Variants in TRAPPC9 observed in about 807,000 individuals in gnomAD.
TRAPPC9 encodes the protein IKK2 binding protein.
In TRAPPC9, 83 loss-of-function variants were observed where a neutral mutation model predicts 124.0. That is an observed-to-expected ratio of 0.67 (90% CI 0.56 to 0.80). The LOEUF is 0.80. Ranked by LOEUF, TRAPPC9 falls within the 30% of genes least tolerant of loss-of-function variation. TRAPPC9 has a pLI of 0.00. For synonymous variants in TRAPPC9, 638 were observed against 617.5 expected (o/e 1.03, Z -0.49); for missense variants, 1,302 against 1,508.3 (o/e 0.86, Z 2.27).
intron 20 of TRAPPC9, among the ~76,000 whole-genome samples, chr8:139,895,838 G>A (rs975722563): frequency 6.6e-6 from 1 of 152,126 alleles, no homozygotes; most frequent in Non-Finnish European, 1.5e-5. Context: ...CCTACATTTT[G>A]GCATATTACT....
Position 140,411,298 on chromosome 8 carries a change from C to T in TRAPPC9, c.887-5600G>A, listed in dbSNP as rs566421194. On this transcript the variant is annotated intron_variant, in intron 5 of 22. Transcript: ENST00000438773. ...AACTAAAACTCCTTAGAAAAACGTC[C>T]GATTCCAGAGCTGGAACAGGGAAAG... 3.3e-5 allele frequency among the ~76,000 whole-genome samples: 5 copies of T among 152,270 alleles called. No individual in the cohort carries two copies. The East Asian group carries it at 5.8e-4, about 18-fold the overall frequency.
intron 19 of TRAPPC9, among the ~76,000 whole-genome samples, chr8:139,945,111 G>A (rs1485172739): frequency 1.3e-5 from 2 of 152,094 alleles, no homozygotes; most frequent in Non-Finnish European, 1.5e-5. Context: ...GCAACAGAGT[G>A]AGACTCCATC....
chr8:139,939,073 C>A (rs77816995), intron 19 of TRAPPC9, among the ~76,000 whole-genome samples: 351 of 152,332 alleles, frequency 2.3e-3, no homozygotes, highest in African/African-American at 8.2e-3. Flanking sequence ...GTTCTCCAGG[C>A]GACAGGCACC....
intron 17 of TRAPPC9, among the ~76,000 whole-genome samples, chr8:140,152,785 T>A (rs2061568039): frequency 6.6e-6 from 1 of 152,228 alleles, no homozygotes; most frequent in African/African-American, 2.4e-5. Flanking sequence ...TTTACAAGTC[T>A]TGCAATTCTT....
intron 12 of TRAPPC9, among the ~76,000 whole-genome samples, chr8:140,290,102 T>C (rs573698016): frequency 6.6e-6 from 1 of 152,210 alleles, no homozygotes; most frequent in South Asian, 2.1e-4. Context: ...CAACACCTCA[T>C]GCACCCCAAC....
chr8:139,936,259 T>A (rs1466699661), intron 19 of TRAPPC9, among the ~76,000 whole-genome samples: 1 of 152,234 alleles, frequency 6.6e-6, no homozygotes, highest in Non-Finnish European at 1.5e-5. Context: ...GATTTAGAGA[T>A]GGAAAATCCC....
intron 21 of TRAPPC9, among the ~76,000 whole-genome samples, chr8:139,764,987 C>T (rs975432698): frequency 6.6e-6 from 1 of 152,176 alleles, no homozygotes; most frequent in African/African-American, 2.4e-5. Flanking sequence ...CATCCCAGGG[C>T]ACAGTAGGTC....
chr8:139,931,112 A>G (rs1425861662), intron 19 of TRAPPC9: 1 of 152,224 alleles, frequency 6.6e-6, no homozygotes, highest in East Asian at 1.9e-4. Context: ...AGATGATTCT[A>G]ACCCCACCTC....
At position 140,252,730 on chromosome 8, in the gene TRAPPC9, A is replaced by G. The variant is rs2064157568; in HGVS notation, c.2431+47T>C. On this transcript the variant is annotated intron_variant, in intron 16 of 22. Transcript: ENST00000438773. The surrounding 1 kb of genome is among the most constrained non-coding windows in gnomAD (Gnocchi z 4.2). ...CATCAAGGGATGGGGGTTGCTACACAGTATCTAGGACCCTGACGTGCTAAT... is the reference window on the plus strand; with the variant it reads ...CATCAAGGGATGGGGGTTGCTACACGGTATCTAGGACCCTGACGTGCTAAT... 3 of 1,605,916 alleles carry G rather than the reference A, an allele frequency of 1.9e-6. No homozygotes were observed. The highest frequency in any genetic ancestry group is 4.5e-5 in the East Asian group (2 of 44,874).
Position 140,064,503 on chromosome 8 carries a change from G to A in TRAPPC9, c.2557-40424C>T, listed in dbSNP as rs577913013. 5.9e-5 allele frequency among the ~76,000 whole-genome samples: 9 copies of A among 152,268 alleles called. No homozygotes were observed. In the South Asian group the frequency reaches 1.0e-3, roughly 18 times the overall value. On this transcript the variant is annotated intron_variant, in intron 17 of 22. Transcript: ENST00000438773. The stretch of plus-strand genomic sequence containing the variant: ...GCACACGTTGCATGCCAGACCCAGA[G>A]CTCCTGGAAGGCAGGAAAGATATTA...
At chr8:140,300,997 G>C (rs1394850313) in intron 10 of TRAPPC9, among the ~76,000 whole-genome samples, 1 of 152,172 alleles carries the variant, frequency 6.6e-6, no homozygotes, top group Non-Finnish European at 1.5e-5. Context: ...AAGTGCAGGT[G>C]GGGCCACCAC....
chr8:139,989,849 T>C (rs953060147), intron 18 of TRAPPC9, among the ~76,000 whole-genome samples: 1 of 152,216 alleles, frequency 6.6e-6, no homozygotes, highest in Non-Finnish European at 1.5e-5. Context: ...AGTTGAATGC[T>C]TGCCGAAAAC....
chr8:139,838,049 G>A (rs1826473001), intron 21 of TRAPPC9, among the ~76,000 whole-genome samples: 1 of 152,114 alleles, frequency 6.6e-6, no homozygotes, highest in African/African-American at 2.4e-5. Context: ...AGAGTCTAAA[G>A]GGCTCGCTGC....
At chr8:140,457,770 C>T (rs2071742577), upstream of TRAPPC9, 2 of 1,003,194 alleles carry the variant, frequency 2.0e-6, no homozygotes, top group Non-Finnish European at 2.4e-6. Flanking sequence ...GCTGCTCCTG[C>T]GCGTGCGCGG....
At chr8:139,733,187 G>A (rs1323512154) in intron 21 of TRAPPC9, among the ~76,000 whole-genome samples, 1 of 152,168 alleles carries the variant, frequency 6.6e-6, no homozygotes, top group East Asian at 1.9e-4. Context: ...GAGTGACAAT[G>A]TCCTTATATG....
Position 139,911,774 on chromosome 8 carries a change from G to T in TRAPPC9, c.2811-1474C>A, listed in dbSNP as rs1300537411. ...GATTGTGCTGTGGCCAAAACATTCAGCAAAACCATGCTCTAATTGGCCTCT... is the reference window on the plus strand; with the variant it reads ...GATTGTGCTGTGGCCAAAACATTCATCAAAACCATGCTCTAATTGGCCTCT... On this transcript the variant is annotated intron_variant, in intron 19 of 22. Transcript: ENST00000438773. Among the ~76,000 whole-genome samples the T allele has an allele frequency of 2.6e-5, 4 of 151,200 alleles. No individual in the cohort carries two copies. In the East Asian group the frequency reaches 7.8e-4, roughly 29 times the overall value.
chr8:140,127,751 C>G (rs528848859), intron 17 of TRAPPC9, among the ~76,000 whole-genome samples: 1 of 152,276 alleles, frequency 6.6e-6, no homozygotes, highest in South Asian at 2.1e-4. Context: ...GCTACCATAT[C>G]CAAAAGCATT....
chr8:139,761,828 C>G (rs1456144518), intron 21 of TRAPPC9, among the ~76,000 whole-genome samples: 1 of 151,722 alleles, frequency 6.6e-6, no homozygotes, highest in African/African-American at 2.4e-5. Context: ...TATTTCTCAA[C>G]TCCAAGCCCT....
In TRAPPC9 at chr8:140,337,611, G is replaced by A. The variant is rs139106222; in HGVS notation, c.1495+22439C>T. 2.0e-3 allele frequency among the ~76,000 whole-genome samples: 303 copies of A among 152,254 alleles called. 3 individuals carry two copies. The highest frequency in any genetic ancestry group is 7.0e-3 in the African/African-American group (289 of 41,530). On this transcript the variant is annotated intron_variant, in intron 9 of 22. Coordinates refer to ENST00000438773, the MANE Select transcript of TRAPPC9 (RefSeq NM_001160372.4). Reference sequence around the variant, plus strand: ...GACTCATCCAGATGCGCCTCCCTCCGGCTCTGCCATGCAGCACGTGGGTGC... The same window carrying A: ...GACTCATCCAGATGCGCCTCCCTCCAGCTCTGCCATGCAGCACGTGGGTGC...
Sources: gnomAD v4.1 joint callset for allele counts (sites outside exome capture counted in the v4.1 genomes callset) on GRCh38, gnomAD v4.1.1 for gene constraint, Gnocchi (gnomAD v3.1) non-coding constraint, MANE v1.5 for transcripts, NCBI Gene and HGNC (gene_info 2026-07-23, HGNC 2026-07-21) for gene names.